CFAP299: variants seen among roughly 807,000 people sequenced by gnomAD.
CFAP299 encodes the protein cilia and flagella associated protein 299.
Under a neutral mutation model 27.0 loss-of-function variants are expected in CFAP299, and 21 were observed. The ratio of observed to expected loss-of-function variants is 0.78; its 90% CI spans 0.55 to 1.12. The LOEUF (loss-of-function observed/expected upper bound fraction) is 1.12. Among genes scored for constraint, CFAP299 ranks in the 50% most tolerant of loss-of-function variants. CFAP299 has a pLI of 0.00. For missense variants in CFAP299, 310 were observed against 276.6 expected, an observed-to-expected ratio of 1.12 and a Z score of -0.86; for synonymous variants, 104 against 98.1, an observed-to-expected ratio of 1.06 and a Z score of -0.36.
At chr4:80,615,920 G>A (rs1738248031) in intron 3 of CFAP299, among the ~76,000 whole-genome samples, 1 of 151,982 alleles carries the variant, frequency 6.6e-6, no homozygotes, top group Non-Finnish European at 1.5e-5. Context: ...ACCTTGCAGG[G>A]GCAGTCACTC....
At chr4:80,386,726 C>T in intron 2 of CFAP299, 1 of 1,558,312 alleles carries the variant, frequency 6.4e-7, no homozygotes. Flanking sequence ...GAGCTTCATG[C>T]CGGAGTGGGA....
intron 2 of CFAP299, among the ~76,000 whole-genome samples, chr4:80,546,284 G>C (rs567478275): frequency 1.3e-5 from 2 of 151,890 alleles, no homozygotes; most frequent in South Asian, 2.1e-4. Flanking sequence ...GAAGTTTCAG[G>C]GTACAAAATC....
intron 1 of CFAP299, among the ~76,000 whole-genome samples, chr4:80,336,211 AAGG>A: frequency 6.6e-6 from 1 of 152,276 alleles, no homozygotes; most frequent in Non-Finnish European, 1.5e-5. Context: ...CTCTGTGAGG[AAGG>A]AGGTCTGCTG....
chr4:80,817,044 C>A (rs1028813644), intron 3 of CFAP299, among the ~76,000 whole-genome samples: 2 of 152,078 alleles, frequency 1.3e-5, no homozygotes, highest in Admixed American at 1.3e-4. Flanking sequence ...GAATACCTTC[C>A]AAGAATTACT....
intron 2 of CFAP299, among the ~76,000 whole-genome samples, chr4:80,400,443 T>C (rs933268751): frequency 6.6e-6 from 1 of 152,168 alleles, no homozygotes; most frequent in Non-Finnish European, 1.5e-5. Context: ...GGGGAGTTAA[T>C]TGAATCATGG....
At chr4:80,395,504 C>T (rs1171601377) in intron 2 of CFAP299, among the ~76,000 whole-genome samples, 1 of 151,978 alleles carries the variant, frequency 6.6e-6, no homozygotes, top group Non-Finnish European at 1.5e-5. Context: ...AAGCTTTTCA[C>T]CAATGGATGT....
At chr4:80,952,090 A>G (rs1199521430) in intron 5 of CFAP299, among the ~76,000 whole-genome samples, 1 of 152,156 alleles carries the variant, frequency 6.6e-6, no homozygotes, top group Non-Finnish European at 1.5e-5. Flanking sequence ...TAGAGGCTCA[A>G]ATGAAACAAT....
At chr4:80,768,202 C>T (rs1038012399) in intron 3 of CFAP299, among the ~76,000 whole-genome samples, 1 of 152,162 alleles carries the variant, frequency 6.6e-6, no homozygotes, top group South Asian at 2.1e-4. Context: ...ATTCTAAAAA[C>T]AGCTTTTGCA....
At chr4:80,911,723 A>C (rs1445496250) in intron 4 of CFAP299, among the ~76,000 whole-genome samples, 1 of 152,196 alleles carries the variant, frequency 6.6e-6, no homozygotes, top group Non-Finnish European at 1.5e-5. Context: ...AGAGAAAGGA[A>C]ATCAGAATCA....
intron 2 of CFAP299, chr4:80,420,181 T>G (rs1239374042): frequency 2.2e-6 from 1 of 456,076 alleles, no homozygotes. Context: ...TCAGAGGGAA[T>G]AGATGGTAAA....
At chr4:80,692,315 C>T (rs2110017619) in intron 3 of CFAP299, among the ~76,000 whole-genome samples, 1 of 152,146 alleles carries the variant, frequency 6.6e-6, no homozygotes, top group Admixed American at 6.5e-5. Context: ...CTACAGTAAC[C>T]AAAACAGCAT....
intron 3 of CFAP299, among the ~76,000 whole-genome samples, chr4:80,690,531 C>T (rs528051134): frequency 1.5e-3 from 227 of 151,574 alleles, no homozygotes; most frequent in Non-Finnish European, 2.3e-3. Context: ...ATCTCTGGGA[C>T]GCATTCAAAG....
At chr4:80,433,630 A>G (rs1727927043) in intron 2 of CFAP299, among the ~76,000 whole-genome samples, 1 of 151,842 alleles carries the variant, frequency 6.6e-6, no homozygotes, top group Non-Finnish European at 1.5e-5. Context: ...GTCACATGTA[A>G]TTTTTTTTGC....
At position 80,560,402 on chromosome 4, in the gene CFAP299, G is replaced by T. The variant is rs192120303; in HGVS notation, c.243-22691G>T. On this transcript the variant is annotated intron_variant, in intron 2 of 5. Coordinates refer to ENST00000358105, the MANE Select transcript of CFAP299 (RefSeq NM_152770.3). ...ACATTACCAGCTATGGTGGCTACAG[G>T]GCAAAACTCCTTTGGCTTGGGAAAG... Among the ~76,000 whole-genome samples, 208 of 152,128 alleles carry T rather than the reference G, an allele frequency of 1.4e-3. 1 individual carries two copies. Among genetic ancestry groups the T allele is most frequent in the Admixed American group, 4.1e-3 (63 of 15,270 alleles).
Position 80,645,433 on chromosome 4 carries a change from C to G in CFAP299, c.333+62250C>G, listed in dbSNP as rs374654201. Among the ~76,000 whole-genome samples, 5 of 152,164 alleles carry G rather than the reference C, an allele frequency of 3.3e-5. No individual in the cohort carries two copies. The East Asian group carries it at 9.7e-4, about 29-fold the overall frequency. ...GGATGCTGGGAGGATAAAAAAGTATCTGTTAATACTCTACAATAAAATATC... is the reference window on the plus strand; with the variant it reads ...GGATGCTGGGAGGATAAAAAAGTATGTGTTAATACTCTACAATAAAATATC... On this transcript the variant is annotated intron_variant, in intron 3 of 5. Coordinates refer to ENST00000358105, the MANE Select transcript of CFAP299 (RefSeq NM_152770.3).
intron 3 of CFAP299, among the ~76,000 whole-genome samples, chr4:80,849,108 AAC>A (rs1181848190): frequency 6.6e-6 from 1 of 152,172 alleles, no homozygotes; most frequent in East Asian, 1.9e-4. Context: ...ATAAAACACA[AAC>A]ACATTGTACA....
In CFAP299 at chr4:80,574,711, A is replaced by C. The variant is rs946392646; in HGVS notation, c.243-8382A>C. 5.3e-5 allele frequency among the ~76,000 whole-genome samples: 8 copies of C among 152,252 alleles called. No individual in the cohort carries two copies. In the East Asian group the frequency reaches 1.2e-3, roughly 22 times the overall value. On this transcript the variant is annotated intron_variant, in intron 2 of 5. Transcript: ENST00000358105. ...TAAATAATTTCTCAGCATCAATTGCAATGATGATATAGTTTTGGTCCTTTG... is the reference window on the plus strand; with the variant it reads ...TAAATAATTTCTCAGCATCAATTGCCATGATGATATAGTTTTGGTCCTTTG...
intron 2 of CFAP299, among the ~76,000 whole-genome samples, chr4:80,479,376 C>T (rs1311696091): frequency 6.6e-6 from 1 of 151,876 alleles, no homozygotes; most frequent in Non-Finnish European, 1.5e-5. Context: ...GTATTTTCTC[C>T]TTGAGGTTTA....
intron 2 of CFAP299, among the ~76,000 whole-genome samples, chr4:80,389,930 C>T (rs1033761913): frequency 5.3e-5 from 8 of 152,212 alleles, no homozygotes; most frequent in African/African-American, 1.9e-4. Flanking sequence ...TCCAGAGTCC[C>T]TGGTGGTTTC....
Sources: allele counts gnomAD v4.1 joint callset (sites outside exome capture counted in the v4.1 genomes callset), GRCh38; gene constraint gnomAD v4.1.1; transcripts MANE v1.5; gene names NCBI Gene and HGNC (gene_info 2026-07-23, HGNC 2026-07-21).